Variants in LRRC43 observed in about 807,000 individuals in gnomAD.
The protein encoded by LRRC43 is leucine rich repeat containing 43.
Under a neutral mutation model 64.3 loss-of-function variants are expected in LRRC43, and 62 were observed. The ratio of observed to expected loss-of-function variants is 0.96; its 90% CI spans 0.79 to 1.19. LRRC43 has a LOEUF of 1.19. LRRC43 is among the 50% of genes most tolerant of loss of function. The pLI, the probability that LRRC43 is intolerant of heterozygous loss-of-function variation, is 0.00. For synonymous variants in LRRC43, 422 were observed against 382.3 expected (o/e 1.10, Z -1.21); for missense variants, 868 against 845.0 (o/e 1.03, Z -0.34).
intron 1 of LRRC43, among the ~76,000 whole-genome samples, chr12:122,177,289 G>C (rs1276962277): frequency 6.6e-6 from 1 of 152,104 alleles, no homozygotes; most frequent in African/African-American, 2.4e-5. Flanking sequence ...TGAAGATGGT[G>C]GGGGGCAGCG....
In LRRC43 at chr12:122,183,154, T is replaced by A; in HGVS notation, c.10T>A (p.Ser4Thr). The A allele has an allele frequency of 1.3e-6, 2 of 1,545,540 alleles. No individual in the cohort carries two copies. The highest frequency in any genetic ancestry group is 1.2e-5 in the South Asian group (1 of 84,958). Residue 4 changes from serine (S) to threonine (T), a missense_variant, in exon 1 of 12, where the codon TCG (serine) becomes ACG (threonine). Coordinates refer to ENST00000339777, the MANE Select transcript of LRRC43 (RefSeq NM_001098519.2). ...CAACGCGGCCCGGGCCATGGAGGCG[T>A]CGTACGAGTCCGAGTCCGAGTCCGA... MEASYESESESESE... is the reference protein window; with the variant it reads MEATYESESESESE...
At chr12:122,194,354 C>T (rs59379003) in intron 7 of LRRC43, among the ~76,000 whole-genome samples, 7,506 of 151,402 alleles carry the variant, frequency 0.05, 577 homozygotes, top group African/African-American at 0.17. Flanking sequence ...GACAGATCAC[C>T]TCAGGAGGTC....
At chr12:122,185,344 G>A (rs919778608) in intron 2 of LRRC43, among the ~76,000 whole-genome samples, 2 of 152,090 alleles carry the variant, frequency 1.3e-5, no homozygotes, top group Non-Finnish European at 2.9e-5. Flanking sequence ...GTATGGTGGT[G>A]CACGCCTGTA....
intron 1 of LRRC43, among the ~76,000 whole-genome samples, chr12:122,169,778 A>G (rs931308697): frequency 2.0e-5 from 3 of 147,644 alleles, no homozygotes; most frequent in African/African-American, 7.4e-5. Context: ...TCCCTAATTT[A>G]TTTATCTTGT....
chr12:122,188,402 C>T (rs571072922), intron 4 of LRRC43, among the ~76,000 whole-genome samples: 238 of 150,918 alleles, frequency 1.6e-3, no homozygotes, highest in Admixed American at 2.6e-3. Flanking sequence ...CCACTGTGCC[C>T]GGCCTAATTT....
In LRRC43 at chr12:122,192,866, C is replaced by G. The variant is rs1002443087; in HGVS notation, c.1211C>G (p.Ser404Cys). 6.2e-7 allele frequency: 1 copy of G among 1,613,614 alleles called. No individual in the cohort carries two copies. Among genetic ancestry groups the G allele is most frequent in the African/African-American group, 1.3e-5 (1 of 74,518 alleles). ...GAAGAGGTCGAAGGGTCTCTGGAGTCTGAGGTGGAGGAGTCAGGAGAGTCG... is the reference window on the plus strand; with the variant it reads ...GAAGAGGTCGAAGGGTCTCTGGAGTGTGAGGTGGAGGAGTCAGGAGAGTCG... ...VTEEVEGSLE[S>C]EVEESGESEL... The change falls in exon 7 of 12, where the codon TCT (serine) becomes TGT (cysteine). Residue 404 changes from serine to cysteine, a missense_variant. Ser to Cys is a moderately radical substitution (Grantham distance 112). Coordinates refer to ENST00000339777, the MANE Select transcript of LRRC43 (RefSeq NM_001098519.2).
chr12:122,183,375 T>A, intron 1 of LRRC43, 81 bp downstream of exon 1: 1 of 1,344,380 alleles, frequency 7.4e-7, no homozygotes, highest in Non-Finnish European at 9.5e-7. Flanking sequence ...AGCGGGCTGG[T>A]CCCTGGGGCC....
intron 3 of LRRC43, 24 bp from the exon 4 acceptor site, chr12:122,187,677 C>A (rs202034748): frequency 6.2e-7 from 1 of 1,610,716 alleles, no homozygotes; most frequent in Non-Finnish European, 8.5e-7. Context: ...CCCATCGTCC[C>A]GGGCCTTCCG....
At chr12:122,188,297 C>G (rs960859042) in intron 4 of LRRC43, among the ~76,000 whole-genome samples, 8 of 151,738 alleles carry the variant, frequency 5.3e-5, no homozygotes, top group African/African-American at 2.4e-5. Flanking sequence ...TTAGTAGAGA[C>G]GGGGTTTCAC....
chr12:122,184,626 C>T lies in LRRC43; in HGVS notation c.258C>T (p.Gly86=). 6.2e-7 allele frequency: 1 copy of T among 1,613,876 alleles called. No homozygotes were observed. The highest frequency in any genetic ancestry group is 8.5e-7 in the Non-Finnish European group (1 of 1,179,862). ...AGGAGACGGTGGAGGCCCTGCTGGG[C>T]CTGGTCCGCAGCCGCCACTCCCCCT... ...PGEETVEALL[G]LVRSRHSPWA... is the part of the protein sequence containing the mutation. The change falls in exon 2 of 12, where the codon GGC becomes GGT. Residue 86 remains glycine (G), a synonymous_variant. Coordinates refer to ENST00000339777, the MANE Select transcript of LRRC43 (RefSeq NM_001098519.2). The surrounding 1 kb of genome is among the most constrained non-coding windows in gnomAD (Gnocchi z 4.0).
At chr12:122,188,660 C>T (rs183958328) in intron 4 of LRRC43, among the ~76,000 whole-genome samples, 35 of 152,080 alleles carry the variant, frequency 2.3e-4, no homozygotes, top group African/African-American at 7.0e-4. Flanking sequence ...AGGATGGTCT[C>T]GAACTCCTGA....
upstream of LRRC43, among the ~76,000 whole-genome samples, chr12:122,178,485 G>A (rs1485255758): frequency 6.6e-6 from 1 of 151,970 alleles, no homozygotes; most frequent in Non-Finnish European, 1.5e-5. Flanking sequence ...ATGCCCAAAG[G>A]TGAGGGTGAG....
chr12:122,197,142 A>C (rs1192533919), intron 7 of LRRC43, among the ~76,000 whole-genome samples: 1 of 152,088 alleles, frequency 6.6e-6, no homozygotes, highest in Non-Finnish European at 1.5e-5. Flanking sequence ...CCCAAGTATC[A>C]TTATCCCCTA....
intron 4 of LRRC43, chr12:122,189,572 G>A (rs946091114): frequency 3.6e-4 from 162 of 445,308 alleles, no homozygotes; most frequent in Non-Finnish European, 6.5e-4. Flanking sequence ...GCCTTGGCCC[G>A]TGCTCTTTGC....
Position 122,200,152 on chromosome 12 carries a change from G to T in LRRC43, c.1350-37G>T. The T allele has an allele frequency of 6.2e-7, 1 of 1,602,910 alleles. No homozygotes were observed. On this transcript the variant is annotated intron_variant, in intron 7 of 11. Coordinates refer to ENST00000339777, the MANE Select transcript of LRRC43 (RefSeq NM_001098519.2). This position sits in a 1 kb window ranked among gnomAD's most constrained non-coding sequence, Gnocchi z 4.6. ...CCGGGTCCCTGGCCACAGCCCCTGG[G>T]TGACGGCACCCCCGTCTTCATCCCT... is the stretch of plus-strand genomic sequence containing the variant.
intron 11 of LRRC43, 143 bp from the exon 12 acceptor site, chr12:122,203,172 C>A: frequency 1.4e-6 from 1 of 708,050 alleles, no homozygotes; most frequent in South Asian, 2.1e-5. Context: ...AATTTTATTT[C>A]TTATTACTGT....
Position 122,187,783 on chromosome 12 carries a change from T to C in LRRC43, c.605T>C (p.Leu202Ser). 1 of 1,614,122 alleles carries C rather than the reference T, an allele frequency of 6.2e-7. No homozygotes were observed. The highest frequency in any genetic ancestry group is 2.2e-5 in the East Asian group (1 of 44,876). ...HPPAGLQHLGLGHNKLLGPLE... is the reference protein window; with the variant it reads ...HPPAGLQHLGSGHNKLLGPLE... ...CCCGCCGGCCTGCAGCACTTGGGGTTAGGCCACAACAAACTTCTAGGCCCC... is the reference window on the plus strand; with the variant it reads ...CCCGCCGGCCTGCAGCACTTGGGGTCAGGCCACAACAAACTTCTAGGCCCC... Residue 202 changes from leucine (L) to serine (S), a missense_variant, in exon 4 of 12, where the codon TTA becomes TCA. Transcript: ENST00000339777.
chr12:122,199,231 C>G (rs1247518919), intron 7 of LRRC43, among the ~76,000 whole-genome samples: 3 of 150,664 alleles, frequency 2.0e-5, no homozygotes, highest in Non-Finnish European at 2.9e-5. Flanking sequence ...TAGGAAACTC[C>G]AGTCCCCTCT....
chr12:122,201,729 A>G (rs1428363441), intron 11 of LRRC43, among the ~76,000 whole-genome samples: 1 of 152,204 alleles, frequency 6.6e-6, no homozygotes, highest in South Asian at 2.1e-4. Flanking sequence ...TGAGGTTCAG[A>G]AAGAACAACC....
Sources: allele counts gnomAD v4.1 joint callset (sites outside exome capture counted in the v4.1 genomes callset), GRCh38; gene constraint gnomAD v4.1.1; non-coding constraint Gnocchi (gnomAD v3.1); transcripts MANE v1.5; gene names NCBI Gene and HGNC (gene_info 2026-07-23, HGNC 2026-07-21).